The following ABHD12 variants were observed in gnomAD, a reference collection of about 807,000 sequenced individuals.
ABHD12 encodes the protein abhydrolase domain containing 12, lysophospholipase, also known as lysophosphatidylserine lipase ABHD12.
In ABHD12, 43 loss-of-function variants were observed where a neutral mutation model predicts 58.3. The ratio of observed to expected loss-of-function variants is 0.74; its 90% CI spans 0.58 to 0.95. The LOEUF (loss-of-function observed/expected upper bound fraction) is 0.95. Ranked by LOEUF, ABHD12 falls within the 40% of genes least tolerant of loss-of-function variation. The pLI is 0.00. For synonymous variants in ABHD12, 219 were observed against 211.2 expected, an observed-to-expected ratio of 1.04 and a Z score of -0.32; for missense variants, 539 against 537.2, an observed-to-expected ratio of 1.00 and a Z score of -0.03.
At chr20:25,388,672 T>C (rs2090127101) in intron 1 of ABHD12, among the ~76,000 whole-genome samples, 2 of 152,242 alleles carry the variant, frequency 1.3e-5, no homozygotes, top group South Asian at 4.1e-4. Context: ...ATGTCTCTCT[T>C]TGTCCTGACA....
chr20:25,388,127 A>G (rs2090118584), intron 1 of ABHD12, among the ~76,000 whole-genome samples: 1 of 123,618 alleles, frequency 8.1e-6, no homozygotes. Context: ...TAAACACTGA[A>G]AACTTTTAAG....
chr20:25,339,227 C>T lies in ABHD12; in HGVS notation c.316G>A (p.Val106Ile), dbSNP rs377238469. 3.7e-6 allele frequency: 6 copies of T among 1,613,866 alleles called. No homozygotes were observed. The highest frequency in any genetic ancestry group is 2.2e-5 in the East Asian group (1 of 44,886). ...GGAAAAATGGACACATACCACTTACCGAAATTCAAGAAAATCAGTTTGGCC... is the reference window on the plus strand; with the variant it reads ...GGAAAAATGGACACATACCACTTACTGAAATTCAAGAAAATCAGTTTGGCC... ...IQAKLIFLNF[V>I]RVPYFIDLKK... The change falls in exon 2 of 13, where the codon GTA becomes ATA. Residue 106 changes from valine to isoleucine, a missense_variant and splice_region_variant. Val to Ile is a conservative substitution (Grantham distance 29, BLOSUM62 3). Coordinates refer to ENST00000339157, the MANE Select transcript of ABHD12 (RefSeq NM_001042472.3).
chr20:25,339,612 T>C (rs1474090367), intron 1 of ABHD12: 10 of 1,453,000 alleles, frequency 6.9e-6, no homozygotes, highest in East Asian at 3.2e-5. Flanking sequence ...TAATGATTTC[T>C]TACACTCACC....
intron 1 of ABHD12, among the ~76,000 whole-genome samples, chr20:25,374,958 T>C (rs975883689): frequency 2.0e-5 from 3 of 152,236 alleles, no homozygotes; most frequent in African/African-American, 7.2e-5. Flanking sequence ...ATTTGTATGT[T>C]GAAGTCTTAA....
intron 1 of ABHD12, chr20:25,339,673 G>C (rs1188629765): frequency 1.4e-6 from 2 of 1,384,946 alleles, no homozygotes; most frequent in East Asian, 8.4e-5. Context: ...CCCCCCACCT[G>C]ACATCAGACC....
chr20:25,294,924 TTA>T, exon 13 of ABHD12: 1 of 1,474,168 alleles, frequency 6.8e-7, no homozygotes, highest in Non-Finnish European at 9.0e-7. Flanking sequence ...TGGGTTAGTT[TTA>T]GTTTTGTCTG....
At chr20:25,332,012 A>T (rs2089284857) in intron 2 of ABHD12, among the ~76,000 whole-genome samples, 1 of 152,198 alleles carries the variant, frequency 6.6e-6, no homozygotes, top group Non-Finnish European at 1.5e-5. Flanking sequence ...CAGACTGGCA[A>T]ATTGGATAAA....
chr20:25,314,240 T>G (rs982969651), intron 6 of ABHD12, among the ~76,000 whole-genome samples: 7 of 152,198 alleles, frequency 4.6e-5, no homozygotes, highest in Non-Finnish European at 1.0e-4. Context: ...CCCAAAGTGC[T>G]GGGATTACAG....
Position 25,390,512 on chromosome 20 carries a change from C to T in ABHD12, c.191+1G>A. 6.9e-7 allele frequency: 1 copy of T among 1,450,652 alleles called. No individual in the cohort carries two copies. The highest frequency in any genetic ancestry group is 9.0e-7 in the Non-Finnish European group (1 of 1,106,210). 89.9% of individuals were successfully genotyped at this position (1,450,652 alleles called of 1,614,324 possible). A position where few individuals can be genotyped will look rare whatever the true frequency, so the allele number is the denominator to read the frequency against. On this transcript the variant is annotated splice_donor_variant, in intron 1 of 12. Transcript: ENST00000339157. LOFTEE classifies it high-confidence loss of function. ...CCCCCCCGCTCCGCGCGAAGCCTCACCTGCCCAGCGCCCGCTTCATTCCCG... is the reference window on the plus strand; with the variant it reads ...CCCCCCCGCTCCGCGCGAAGCCTCATCTGCCCAGCGCCCGCTTCATTCCCG...
chr20:25,322,362 G>GAT (rs1312326738), intron 3 of ABHD12, among the ~76,000 whole-genome samples: 21 of 66,094 alleles, frequency 3.2e-4, no homozygotes, highest in South Asian at 5.6e-4. Context: ...TCTTGGAAAA[G>GAT]ATATATATAT....
At chr20:25,326,739 CAAA>C (rs759690660) in intron 2 of ABHD12, among the ~76,000 whole-genome samples, 3 of 103,760 alleles carry the variant, frequency 2.9e-5, no homozygotes, top group South Asian at 6.0e-4. Context: ...AATTATGCTT[CAAA>C]AAAAAACAAC....
chr20:25,390,447 C>A (rs2090156003), intron 1 of ABHD12, 66 bp downstream of exon 1: 3 of 1,312,474 alleles, frequency 2.3e-6, no homozygotes, highest in Admixed American at 3.8e-5. Context: ...CGGCCCCCTG[C>A]GGGACGCACC....
At chr20:25,300,067 A>G (rs1600755890), downstream of ABHD12, 3 of 500,422 alleles carry the variant, frequency 6.0e-6, no homozygotes, top group Admixed American at 1.9e-4. Flanking sequence ...ACTCCTGGCA[A>G]ATTTCTGAGC....
chr20:25,317,125 G>T lies in ABHD12; in HGVS notation c.543-47C>A, dbSNP rs367893490. 85 of 1,512,770 alleles carry T rather than the reference G, an allele frequency of 5.6e-5. No homozygotes were observed. In the African/African-American group the frequency reaches 1.1e-3, roughly 19 times the overall value. 93.7% of individuals were successfully genotyped at this position (1,512,770 alleles called of 1,614,324 possible). On this transcript the variant is annotated intron_variant, in intron 4 of 12. Transcript: ENST00000339157. ...GGTGTGAGCACATCTTCTCAGAGTT[G>T]GGCCCCAGGTCAACTTGTCCTCCAT...
chr20:25,351,312 G>C (rs1029834366), intron 1 of ABHD12, among the ~76,000 whole-genome samples: 26 of 152,164 alleles, frequency 1.7e-4, no homozygotes, highest in African/African-American at 6.0e-4. Context: ...GTTTGTGCTT[G>C]ATGAACCCAT....
intron 1 of ABHD12, among the ~76,000 whole-genome samples, chr20:25,344,787 G>T (rs1347593798): frequency 6.6e-6 from 1 of 152,212 alleles, no homozygotes; most frequent in Non-Finnish European, 1.5e-5. Context: ...AATCAAGACA[G>T]TGGTGTACTG....
chr20:25,381,189 CAT>C (rs368731144), intron 1 of ABHD12, among the ~76,000 whole-genome samples: 12 of 152,310 alleles, frequency 7.9e-5, no homozygotes, highest in South Asian at 4.1e-4. Flanking sequence ...CATCCATTCA[CAT>C]GTCTCCTTGT....
downstream of ABHD12, chr20:25,296,514 C>T (rs146361543): frequency 1.4e-5 from 22 of 1,612,764 alleles, no homozygotes; most frequent in African/African-American, 5.3e-5. Flanking sequence ...CAACATCCCC[C>T]GGGACTAGGC....
At chr20:25,329,349 C>T (rs961929950) in intron 2 of ABHD12, among the ~76,000 whole-genome samples, 21 of 152,222 alleles carry the variant, frequency 1.4e-4, no homozygotes, top group African/African-American at 4.6e-4. Flanking sequence ...CTCATACAGG[C>T]CCCCGCACCA....
Sources: allele counts gnomAD v4.1 joint callset (sites outside exome capture counted in the v4.1 genomes callset), GRCh38; gene constraint gnomAD v4.1.1; transcripts MANE v1.5; gene names NCBI Gene and HGNC (gene_info 2026-07-23, HGNC 2026-07-21).